The following VAT1L variants were observed in gnomAD, a reference collection of about 807,000 sequenced individuals.
The protein encoded by VAT1L is vesicle amine transport 1 like, also known as putative NADPH-dependent quinone oxidoreductase VAT1L.
Under a neutral mutation model 44.1 loss-of-function variants are expected in VAT1L, and 34 were observed. The observed-to-expected ratio is 0.77, with a 90% CI of 0.59 to 1.03. The LOEUF (loss-of-function observed/expected upper bound fraction) is 1.03, where lower values mean the gene tolerates loss of function less well. Among genes scored for constraint, VAT1L ranks in the 50% least tolerant of loss-of-function variants. The pLI, the probability that VAT1L is intolerant of heterozygous loss-of-function variation, is 0.00. For synonymous variants in VAT1L, 253 were observed against 202.2 expected (o/e 1.25, Z -2.13); for missense variants, 615 against 538.8 (o/e 1.14, Z -1.40).
At chr16:77,877,374 G>A (rs2017098799) in intron 5 of VAT1L, among the ~76,000 whole-genome samples, 1 of 151,912 alleles carries the variant, frequency 6.6e-6, no homozygotes, top group Admixed American at 6.6e-5. Flanking sequence ...GCCAGGCATG[G>A]TGGCGGGCGC....
At chr16:77,945,542 A>C (rs957092496) in intron 7 of VAT1L, among the ~76,000 whole-genome samples, 4 of 151,948 alleles carry the variant, frequency 2.6e-5, no homozygotes, top group Admixed American at 2.0e-4. Flanking sequence ...GTCCTGCCTC[A>C]GCCTCCTAAA....
At chr16:77,935,392 C>T (rs780158394) in intron 7 of VAT1L, among the ~76,000 whole-genome samples, 1 of 150,816 alleles carries the variant, frequency 6.6e-6, no homozygotes, top group Non-Finnish European at 1.5e-5. Flanking sequence ...TTGGGAAATA[C>T]GAGGTGAGCA....
At chr16:77,845,998 GTCT>G (rs1229890855) in intron 3 of VAT1L, among the ~76,000 whole-genome samples, 1 of 152,110 alleles carries the variant, frequency 6.6e-6, no homozygotes, top group Non-Finnish European at 1.5e-5. Flanking sequence ...TGCTAGAGGG[GTCT>G]TCTTGAAATC....
chr16:77,886,534 C>T (rs537470770), intron 7 of VAT1L, among the ~76,000 whole-genome samples: 1 of 152,232 alleles, frequency 6.6e-6, no homozygotes, highest in African/African-American at 2.4e-5. Flanking sequence ...TTTGAAATCA[C>T]CCCTTGGTTA....
chr16:77,798,178 T>C (rs990944786), intron 1 of VAT1L, among the ~76,000 whole-genome samples: 4 of 152,114 alleles, frequency 2.6e-5, no homozygotes, highest in African/African-American at 9.7e-5. Flanking sequence ...CTTCTCTAAA[T>C]AACTGTGGTC....
chr16:77,940,213 G>C (rs574712702), intron 7 of VAT1L, among the ~76,000 whole-genome samples: 1 of 152,100 alleles, frequency 6.6e-6, no homozygotes, highest in Non-Finnish European at 1.5e-5. Context: ...AACTTCCATT[G>C]CATCAAAATT....
At chr16:77,799,537 G>C (rs1413557028) in intron 1 of VAT1L, among the ~76,000 whole-genome samples, 1 of 142,956 alleles carries the variant, frequency 7.0e-6, no homozygotes, top group Non-Finnish European at 1.6e-5. Flanking sequence ...GTGTGTGTGT[G>C]TGTGTGTGTG....
In VAT1L at chr16:77,881,423, T is replaced by C. The variant is rs143125656; in HGVS notation, c.882+2199T>C. On this transcript the variant is annotated intron_variant, in intron 6 of 8. Coordinates refer to ENST00000302536, the MANE Select transcript of VAT1L (RefSeq NM_020927.3). Reference sequence around the variant, plus strand: ...ATATGTTAATTAACATGATTATAAATGGCTATTAAACCTCTGAAGAGGATA... The same window carrying C: ...ATATGTTAATTAACATGATTATAAACGGCTATTAAACCTCTGAAGAGGATA... Among the ~76,000 whole-genome samples, 740 of 152,288 alleles carry C rather than the reference T, an allele frequency of 4.9e-3. 9 individuals carry two copies. The highest frequency in any genetic ancestry group is 0.017 in the African/African-American group (712 of 41,552).
At chr16:77,824,151 G>A (rs2016491640) in intron 2 of VAT1L, among the ~76,000 whole-genome samples, 1 of 152,236 alleles carries the variant, frequency 6.6e-6, no homozygotes, top group Non-Finnish European at 1.5e-5. Context: ...AAGGACAGAA[G>A]TTTGCCAGGT....
chr16:77,788,975 G>T, intron 1 of VAT1L, 60 bp downstream of exon 1: 1 of 1,426,230 alleles, frequency 7.0e-7, no homozygotes, highest in Non-Finnish European at 9.2e-7. Context: ...CTGGGGAGGG[G>T]GTGGGAAAGC....
intron 7 of VAT1L, among the ~76,000 whole-genome samples, chr16:77,923,765 T>C (rs1210045666): frequency 1.3e-5 from 2 of 152,122 alleles, no homozygotes; most frequent in African/African-American, 4.8e-5. Context: ...GAAAACAAAG[T>C]GCCTTCACTA....
intron 7 of VAT1L, among the ~76,000 whole-genome samples, chr16:77,899,877 C>G (rs1433866940): frequency 1.3e-5 from 2 of 152,242 alleles, no homozygotes; most frequent in Non-Finnish European, 2.9e-5. Flanking sequence ...TCACCATCTC[C>G]CTTTCAGCCT....
rs532391039 is a variant in VAT1L at position 77,833,682 on chromosome 16, C to T, written c.579+8221C>T. Among the ~76,000 whole-genome samples, 5 of 151,486 alleles carry T rather than the reference C, an allele frequency of 3.3e-5. No homozygotes were observed. In the South Asian group the frequency reaches 6.3e-4, roughly 19 times the overall value. On this transcript the variant is annotated intron_variant, in intron 3 of 8. Coordinates refer to ENST00000302536, the MANE Select transcript of VAT1L (RefSeq NM_020927.3). The stretch of plus-strand genomic sequence containing the variant: ...AGGAGAACTGCTTGAACCAGGGAGT[C>T]GGAGGTTGCAGTGAGCCGGGATCAC...
At chr16:77,825,718 G>A (rs2016511849) in intron 3 of VAT1L, among the ~76,000 whole-genome samples, 1 of 151,958 alleles carries the variant, frequency 6.6e-6, no homozygotes, top group African/African-American at 2.4e-5. Context: ...GATAGTTCCT[G>A]TTGAGAAGCA....
In VAT1L at chr16:77,979,166, C is replaced by T. The variant is rs2018372846; in HGVS notation, c.*1471C>T. 6.6e-6 allele frequency: 1 copy of T among 152,596 alleles called. No homozygotes were observed. Among genetic ancestry groups the T allele is most frequent in the African/African-American group, 2.4e-5 (1 of 41,446 alleles). 9.5% of individuals were successfully genotyped at this position (152,596 alleles called of 1,614,324 possible). A position where few individuals can be genotyped will look rare whatever the true frequency, so the allele number is the denominator to read the frequency against. Reference sequence around the variant, plus strand: ...AAAGTCCTTTTGTAGCAAATGTCACCTCATTCGTGGTCTTTTTACCTATCC... The same window carrying T: ...AAAGTCCTTTTGTAGCAAATGTCACTTCATTCGTGGTCTTTTTACCTATCC... On this transcript the variant is annotated 3_prime_UTR_variant, in exon 9 of 9. Transcript: ENST00000302536.
Position 77,978,274 on chromosome 16 carries a change from C to T in VAT1L, c.*579C>T, listed in dbSNP as rs538054209. 1 of 153,552 alleles carries T rather than the reference C, an allele frequency of 6.5e-6. No individual in the cohort carries two copies. The highest frequency in any genetic ancestry group is 2.0e-4 in the South Asian group (1 of 4,888). 9.5% of individuals were successfully genotyped at this position (153,552 alleles called of 1,614,324 possible). Reference sequence around the variant, plus strand: ...TACGGTCAAAAGTTTGAGCCATTCTCTTCTACCCCTTCAGTGTCTGACCCT... The same window carrying T: ...TACGGTCAAAAGTTTGAGCCATTCTTTTCTACCCCTTCAGTGTCTGACCCT... On this transcript the variant is annotated 3_prime_UTR_variant, in exon 9 of 9. Transcript: ENST00000302536.
At chr16:77,845,129 C>G (rs2016745879) in intron 3 of VAT1L, among the ~76,000 whole-genome samples, 1 of 151,206 alleles carries the variant, frequency 6.6e-6, no homozygotes, top group Non-Finnish European at 1.5e-5. Context: ...ATCTAGCCTG[C>G]TGGCCATTGG....
chr16:77,920,372 C>G (rs2017598662), intron 7 of VAT1L, among the ~76,000 whole-genome samples: 1 of 152,110 alleles, frequency 6.6e-6, no homozygotes, highest in Non-Finnish European at 1.5e-5. Flanking sequence ...CCCAGCAATG[C>G]AGGAGAAGGA....
rs61729477 is a variant in VAT1L, at chr16:77,884,766, C to A, written c.1041C>A (p.Ile347=). 1.5e-3 allele frequency: 2,366 copies of A among 1,575,298 alleles called. 38 individuals carry two copies. In the African/African-American group the frequency reaches 0.029, roughly 20 times the overall value. The part of the protein sequence containing the change: ...KLIGLYNQKK[I]KPVVDSLWAL... ...TAGGGCTCTACAACCAGAAGAAGATCAAGCCTGTGGTGGACTCCTTGTGGG... is the reference window on the plus strand; with the variant it reads ...TAGGGCTCTACAACCAGAAGAAGATAAAGCCTGTGGTGGACTCCTTGTGGG... The change falls in exon 7 of 9, where the codon ATC becomes ATA. Residue 347 remains isoleucine, a synonymous_variant. Coordinates refer to ENST00000302536, the MANE Select transcript of VAT1L (RefSeq NM_020927.3). This position sits in a 1 kb window ranked among gnomAD's most constrained non-coding sequence, Gnocchi z 4.5.
Sources: gnomAD v4.1 joint callset for allele counts (sites outside exome capture counted in the v4.1 genomes callset) on GRCh38, gnomAD v4.1.1 for gene constraint, Gnocchi (gnomAD v3.1) non-coding constraint, MANE v1.5 for transcripts, NCBI Gene and HGNC (gene_info 2026-07-23, HGNC 2026-07-21) for gene names.